Variants in AKAP7 observed in about 807,000 individuals in gnomAD.
The protein encoded by AKAP7 is A kinase (PRKA) anchor protein 7.
AKAP7 carries 39 observed loss-of-function variants against 39.5 expected under a neutral mutation model. The ratio of observed to expected loss-of-function variants is 0.99; its 90% CI spans 0.76 to 1.29. The LOEUF (loss-of-function observed/expected upper bound fraction) is 1.29, where lower values mean the gene tolerates loss of function less well. AKAP7 is among the 50% of genes most tolerant of loss of function. The pLI, the probability that AKAP7 is intolerant of heterozygous loss-of-function variation, is 0.00. For synonymous variants in AKAP7, 140 were observed against 139.1 expected (o/e 1.01, Z -0.05); for missense variants, 414 against 407.7 (o/e 1.02, Z -0.13).
At chr6:131,160,004 C>A (rs1424072085) in intron 2 of AKAP7, 55 bp from the exon 3 acceptor site, 5 of 1,386,448 alleles carry the variant, frequency 3.6e-6, no homozygotes, top group South Asian at 1.5e-5. Flanking sequence ...TTTTTTCTGA[C>A]TGTATTATCT....
chr6:131,133,854 A>G (rs370974057), upstream of AKAP7, among the ~76,000 whole-genome samples: 3 of 152,342 alleles, frequency 2.0e-5, no homozygotes, highest in South Asian at 6.2e-4. Context: ...AGGCTAGACA[A>G]AGGAAAAGGG....
rs1288449926 is a variant in AKAP7 at position 131,211,770 on chromosome 6, CT to C, written c.703-7890del. Among the ~76,000 whole-genome samples, 6 of 69,190 alleles carry C rather than the reference CT, an allele frequency of 8.7e-5. No homozygotes were observed. In the East Asian group the frequency reaches 1.3e-3, roughly 15 times the overall value. 45.4% of individuals were successfully genotyped at this position (69,190 alleles called of 152,430 possible). ...CCTGGGAGACAGAGTGAGACTCCGT[CT>C]CAAAAAAAAAAAAAAAAAAAAAGAA... On this transcript the variant is annotated intron_variant, in intron 6 of 7. Coordinates refer to ENST00000431975, the MANE Select transcript of AKAP7 (RefSeq NM_016377.4).
Position 131,191,163 on chromosome 6 carries a change from A to G in AKAP7, c.590-8298A>G, listed in dbSNP as rs1001725472. Among the ~76,000 whole-genome samples, 8 of 152,338 alleles carry G rather than the reference A, an allele frequency of 5.3e-5. No homozygotes were observed. In the East Asian group the frequency reaches 1.5e-3, roughly 29 times the overall value. ...CTCTAATCAGTCAAATCTTAGGAACATAGTAAGTTAGTCCATCATGACATA... is the reference window on the plus strand; with the variant it reads ...CTCTAATCAGTCAAATCTTAGGAACGTAGTAAGTTAGTCCATCATGACATA... On this transcript the variant is annotated intron_variant, in intron 5 of 7. Coordinates refer to ENST00000431975, the MANE Select transcript of AKAP7 (RefSeq NM_016377.4).
chr6:131,162,126 T>C (rs1208417559), intron 3 of AKAP7, among the ~76,000 whole-genome samples: 1 of 152,208 alleles, frequency 6.6e-6, no homozygotes, highest in East Asian at 1.9e-4. Context: ...AGCTGTGTTA[T>C]GGCTTCTTAC....
intron 2 of AKAP7, 102 bp downstream of exon 2, chr6:131,145,518 A>G (rs1435381309): frequency 1.3e-6 from 1 of 757,572 alleles, no homozygotes; most frequent in East Asian, 3.8e-5. Flanking sequence ...TTTAATACTT[A>G]TGTTTTTGAG....
intron 5 of AKAP7, among the ~76,000 whole-genome samples, chr6:131,182,028 A>AGGCAGGGGAATCGCATGAACC (rs2128257066): frequency 1.3e-5 from 2 of 149,808 alleles, no homozygotes; most frequent in South Asian, 4.2e-4. Flanking sequence ...CAGGAGGCTG[A>AGGCAGGGGAATCGCATGAACC]GGCAGGGGAA....
chr6:131,181,559 GA>G (rs1237906498), intron 5 of AKAP7, among the ~76,000 whole-genome samples: 1 of 152,104 alleles, frequency 6.6e-6, no homozygotes, highest in Non-Finnish European at 1.5e-5. Context: ...CTGCTTAAAA[GA>G]ATTTATTGAC....
intron 6 of AKAP7, among the ~76,000 whole-genome samples, chr6:131,203,737 A>G (rs1807835962): frequency 6.6e-6 from 1 of 152,164 alleles, no homozygotes; most frequent in Non-Finnish European, 1.5e-5. Flanking sequence ...ACATGCATAT[A>G]GTTTCTTTAA....
intron 6 of AKAP7, among the ~76,000 whole-genome samples, chr6:131,216,002 G>T (rs1809140133): frequency 6.6e-6 from 1 of 152,182 alleles, no homozygotes; most frequent in Non-Finnish European, 1.5e-5. Flanking sequence ...CTTACTATCA[G>T]TAGGACAGAT....
chr6:131,282,455 A>G lies in AKAP7; in HGVS notation c.*729A>G. On this transcript the variant is annotated 3_prime_UTR_variant, in exon 8 of 8. Coordinates refer to ENST00000431975, the MANE Select transcript of AKAP7 (RefSeq NM_016377.4). ...TAATGAAGCTTTGCATCGAGAAACGATGGGTCTGAAGTCCAAAGTGAAACA... is the reference window on the plus strand; with the variant it reads ...TAATGAAGCTTTGCATCGAGAAACGGTGGGTCTGAAGTCCAAAGTGAAACA... 1.3e-6 allele frequency: 2 copies of G among 1,531,802 alleles called. No individual in the cohort carries two copies. Among genetic ancestry groups the G allele is most frequent in the Non-Finnish European group, 1.7e-6 (2 of 1,144,404 alleles). The allele number at this position is 1,531,802 out of a possible 1,614,324, so 94.9% of individuals were successfully genotyped here. A position where few individuals can be genotyped will look rare whatever the true frequency, so the allele number is the denominator to read the frequency against.
chr6:131,163,735 C>CGAAGTAAAATAAAA lies in AKAP7; in HGVS notation c.292-1346_292-1345insGAAGTAAAATAAAA, dbSNP rs1803210828. Among the ~76,000 whole-genome samples the CGAAGTAAAATAAAA allele has an allele frequency of 7.9e-5, 12 of 152,110 alleles. No individual in the cohort carries two copies. The South Asian group carries it at 2.5e-3, about 32-fold the overall frequency. On this transcript the variant is annotated intron_variant, in intron 3 of 7. Transcript: ENST00000431975. Reference sequence around the variant, plus strand: ...TGGAAGTATATGAAAATATGTGTTTCCATTAACTTTCAATTGCATGTTAGT... The same window carrying CGAAGTAAAATAAAA: ...TGGAAGTATATGAAAATATGTGTTTCGAAGTAAAATAAAACATTAACTTTCAATTGCATGTTAGT...
intron 5 of AKAP7, among the ~76,000 whole-genome samples, chr6:131,181,434 T>A (rs781114972): frequency 6.6e-6 from 1 of 152,210 alleles, no homozygotes; most frequent in Non-Finnish European, 1.5e-5. Flanking sequence ...TGTGCCTCAG[T>A]CCAAGCTCTG....
intron 1 of AKAP7, among the ~76,000 whole-genome samples, chr6:131,142,292 G>A (rs1801109774): frequency 6.6e-6 from 1 of 152,208 alleles, no homozygotes; most frequent in South Asian, 2.1e-4. Context: ...TCCGATCACA[G>A]ACCTGGAGGC....
intron 7 of AKAP7, among the ~76,000 whole-genome samples, chr6:131,241,617 G>GTATATACGTATATA (rs1562238097): frequency 1.0e-5 from 1 of 97,216 alleles, no homozygotes; most frequent in African/African-American, 4.0e-5. Context: ...GTGTGTGTGT[G>GTATATACGTATATA]TGTGTGTGTG....
At chr6:131,140,978 G>T (rs1212575758) in intron 1 of AKAP7, among the ~76,000 whole-genome samples, 3 of 152,168 alleles carry the variant, frequency 2.0e-5, no homozygotes, top group Non-Finnish European at 4.4e-5. Context: ...TTGAACACCT[G>T]TGTATGAGGC....
chr6:131,180,829 GTT>G (rs869088113), intron 5 of AKAP7, among the ~76,000 whole-genome samples: 2 of 82,156 alleles, frequency 2.4e-5, no homozygotes, highest in African/African-American at 4.8e-5. Flanking sequence ...TTTTTTGTTT[GTT>G]TTGTTTTTTT....
At chr6:131,226,284 G>T (rs1810156338) in intron 7 of AKAP7, among the ~76,000 whole-genome samples, 1 of 152,176 alleles carries the variant, frequency 6.6e-6, no homozygotes, top group Non-Finnish European at 1.5e-5. Flanking sequence ...TTCTGCCATT[G>T]TATACCTTTA....
chr6:131,242,185 G>T (rs1453620707), intron 7 of AKAP7: 1 of 984,620 alleles, frequency 1.0e-6, no homozygotes, highest in Non-Finnish European at 1.2e-6. Context: ...AATGATTCAG[G>T]TGAGTATTTT....
chr6:131,199,824 T>C (rs1444917188), intron 6 of AKAP7, among the ~76,000 whole-genome samples: 1 of 152,184 alleles, frequency 6.6e-6, no homozygotes, highest in African/African-American at 2.4e-5. Context: ...TCTACCACTG[T>C]TGCCTCACCT....
Sources: gnomAD v4.1 joint callset for allele counts (sites outside exome capture counted in the v4.1 genomes callset) on GRCh38, gnomAD v4.1.1 for gene constraint, MANE v1.5 for transcripts, NCBI Gene and HGNC (gene_info 2026-07-23, HGNC 2026-07-21) for gene names.